The following ZNF554 variants were observed in gnomAD, a reference collection of about 807,000 sequenced individuals.
ZNF554 encodes zinc finger protein 554.
In ZNF554, 15 loss-of-function variants were observed where a neutral mutation model predicts 21.2. The observed-to-expected ratio is 0.71, with a 90% confidence interval of 0.47 to 1.09. The LOEUF (loss-of-function observed/expected upper bound fraction) is 1.09, where lower values mean the gene tolerates loss of function less well. Ranked by LOEUF, ZNF554 falls within the 50% of genes least tolerant of loss-of-function variation. The pLI is 0.00. For synonymous variants in ZNF554, 258 were observed against 251.4 expected (o/e 1.03, Z -0.25); for missense variants, 691 against 662.7 (o/e 1.04, Z -0.47).
chr19:2,834,570 C>T lies in ZNF554; in HGVS notation c.1335C>T (p.Phe445=). Residue 445 remains phenylalanine (F), a synonymous_variant, in exon 5 of 5, where the codon TTC becomes TTT. Coordinates refer to ENST00000317243, the MANE Select transcript of ZNF554 (RefSeq NM_001102651.2). ...PYECSECGKA[F]SDRSSLNQHE... ...AATGCAGTGAATGTGGAAAGGCCTT[C>T]AGTGACCGTTCCTCTCTCAACCAGC... The T allele has an allele frequency of 6.2e-7, 1 of 1,614,144 alleles. No individual in the cohort carries two copies. Among genetic ancestry groups the T allele is most frequent in the Non-Finnish European group, 8.5e-7 (1 of 1,180,030 alleles).
Position 2,821,287 on chromosome 19 carries a change from A to C in ZNF554, c.53+1163A>C, listed in dbSNP as rs114797512. Among the ~76,000 whole-genome samples, 965 of 151,492 alleles carry C rather than the reference A, an allele frequency of 6.4e-3. 32 individuals carry two copies. Among genetic ancestry groups the C allele is most frequent in the African/African-American group, 0.022 (923 of 41,034 alleles). ...TTTTTAGTAGATACAGAGTTTCTCC[A>C]TGTTGGCCAGCCAGGCTGGTATCGA... On this transcript the variant is annotated intron_variant, in intron 1 of 4. Transcript: ENST00000317243. The surrounding 1 kb of genome is among the most constrained non-coding windows in gnomAD (Gnocchi z 8.2).
rs2144803380 is a variant in ZNF554 at position 2,823,097 on chromosome 19, G to T, written c.111G>T (p.Leu37=). Residue 37 remains leucine, a synonymous_variant, in exon 2 of 5, where the codon CTG becomes CTT. Coordinates refer to ENST00000317243, the MANE Select transcript of ZNF554 (RefSeq NM_001102651.2). ...SQEERMAAGY[L]PRWSQELVTF... ...AGGAGAGAATGGCTGCTGGGTACCT[G>T]CCCCGCTGGTCCCAGGTGAGATGTC... The T allele has an allele frequency of 3.1e-6, 5 of 1,613,268 alleles. No individual in the cohort carries two copies. The highest frequency in any genetic ancestry group is 4.2e-6 in the Non-Finnish European group (5 of 1,179,362).
At chr19:2,823,857 C>T (rs993467115) in intron 2 of ZNF554, among the ~76,000 whole-genome samples, 4 of 152,014 alleles carry the variant, frequency 2.6e-5, no homozygotes, top group African/African-American at 9.7e-5. Flanking sequence ...GGTTCATGGG[C>T]GGCCATGGGA....
chr19:2,832,225 A>G (rs1387601098), intron 3 of ZNF554, 78 bp from the exon 4 acceptor site: 3 of 1,377,526 alleles, frequency 2.2e-6, no homozygotes, highest in Non-Finnish European at 3.0e-6. Context: ...CATGCCTGGC[A>G]CAGATCTGTA....
chr19:2,825,024 T>G (rs896409216), intron 2 of ZNF554, among the ~76,000 whole-genome samples: 49 of 149,726 alleles, frequency 3.3e-4, no homozygotes, highest in South Asian at 1.1e-3. Flanking sequence ...TTTTTTTTTT[T>G]TTTTTTGAGA....
intron 4 of ZNF554, 54 bp downstream of exon 4, chr19:2,832,548 A>T: frequency 6.6e-7 from 1 of 1,525,642 alleles, no homozygotes; most frequent in Non-Finnish European, 8.8e-7. Flanking sequence ...CGTGGGAAAC[A>T]TTGGTCAGAG....
chr19:2,826,351 G>GCC (rs1568333050), intron 2 of ZNF554: 79 of 151,284 alleles, frequency 5.2e-4, no homozygotes, highest in African/African-American at 1.8e-3. Context: ...CTACAGGTAC[G>GCC]TGCCACCACG....
At chr19:2,828,997 A>G (rs1023606321) in intron 3 of ZNF554, among the ~76,000 whole-genome samples, 1 of 152,128 alleles carries the variant, frequency 6.6e-6, no homozygotes, top group African/African-American at 2.4e-5. Flanking sequence ...CAACCATATC[A>G]CAGAGCATTT....
chr19:2,834,238 CG>C lies in ZNF554; in HGVS notation c.1005del (p.Arg336GlyfsTer4), dbSNP rs1568337153. ...CCACCAGTGTGGGAAGGTGTTCAACCGGAGGCATTCTTTGAGCGAACATCAA... is the reference window on the plus strand; with the variant it reads ...CCACCAGTGTGGGAAGGTGTTCAACCGAGGCATTCTTTGAGCGAACATCAA... ...ECHQCGKVFN[R>X]RHSLSEHQRI... On this transcript the variant is annotated frameshift_variant, in exon 5 of 5. Transcript: ENST00000317243. LOFTEE classifies it low-confidence loss of function (END_TRUNC). 6 of 1,613,920 alleles carry C rather than the reference CG, an allele frequency of 3.7e-6. No homozygotes were observed. Among genetic ancestry groups the C allele is most frequent in the Non-Finnish European group, 5.1e-6 (6 of 1,180,050 alleles).
At chr19:2,833,549 G>A (rs1302145596) in intron 4 of ZNF554, 132 bp from the exon 5 acceptor site, 24 of 680,550 alleles carry the variant, frequency 3.5e-5, no homozygotes, top group East Asian at 5.6e-5. Context: ...CATCCTTCCC[G>A]CATGTTCAGA....
chr19:2,828,535 C>T (rs368043197), intron 3 of ZNF554, among the ~76,000 whole-genome samples: 58 of 152,128 alleles, frequency 3.8e-4, no homozygotes, highest in African/African-American at 1.4e-3. Flanking sequence ...CTAAAAATGG[C>T]GGGCACCTGT....
At chr19:2,822,514 G>C (rs1457672475) in intron 1 of ZNF554, among the ~76,000 whole-genome samples, 1 of 152,164 alleles carries the variant, frequency 6.6e-6, no homozygotes, top group Non-Finnish European at 1.5e-5. Flanking sequence ...TCCTAATGGA[G>C]CCTGGGTGTT....
In ZNF554 at chr19:2,821,426, C is replaced by T. The variant is rs1218368304; in HGVS notation, c.53+1302C>T. ...GCTGCTGTGACAATGCACCACAAACCAGGGGGCAGGGGGAGGCTTGAAATT... is the reference window on the plus strand; with the variant it reads ...GCTGCTGTGACAATGCACCACAAACTAGGGGGCAGGGGGAGGCTTGAAATT... On this transcript the variant is annotated intron_variant, in intron 1 of 4. Transcript: ENST00000317243. This position sits in a 1 kb window ranked among gnomAD's most constrained non-coding sequence, Gnocchi z 8.2. 6.6e-6 allele frequency among the ~76,000 whole-genome samples: 1 copy of T among 151,908 alleles called. No individual in the cohort carries two copies. Among genetic ancestry groups the T allele is most frequent in the Non-Finnish European group, 1.5e-5 (1 of 68,024 alleles).
chr19:2,825,351 C>T (rs1051920853), intron 2 of ZNF554, among the ~76,000 whole-genome samples: 1 of 152,078 alleles, frequency 6.6e-6, no homozygotes, highest in African/African-American at 2.4e-5. Flanking sequence ...CGCTCTGTTG[C>T]CCAAGCTGAA....
In ZNF554 at chr19:2,833,719, A is replaced by G; in HGVS notation, c.484A>G (p.Lys162Glu). 1 of 1,541,798 alleles carries G rather than the reference A, an allele frequency of 6.5e-7. No individual in the cohort carries two copies. The highest frequency in any genetic ancestry group is 1.2e-5 in the South Asian group (1 of 80,854). Residue 162 changes from lysine (K) to glutamate (E), a missense_variant, in exon 5 of 5, where the codon AAG (lysine) becomes GAG (glutamate). Lys to Glu is a moderately conservative substitution (Grantham distance 56). Transcript: ENST00000317243. Reference protein sequence around the residue: ...TVLRNQDSTYKKVALQEEPAS... With the variant: ...TVLRNQDSTYEKVALQEEPAS... ...ACTAAGAAACCAAGACTCAACTTAC[A>G]AGAAGGTGGCTTTGCAGGAGGAACC...
In ZNF554 at chr19:2,830,301, G is replaced by A. The variant is rs149266279; in HGVS notation, c.254-2002G>A. Among the ~76,000 whole-genome samples the A allele has an allele frequency of 1.4e-4, 22 of 152,258 alleles. No individual in the cohort carries two copies. The East Asian group carries it at 3.1e-3, about 21-fold the overall frequency. ...GTGTCTGGCTGATTTCACTGGGTGT[G>A]ATGTTTTCAGTGTTCATTTACATTG... On this transcript the variant is annotated intron_variant, in intron 3 of 4. Coordinates refer to ENST00000317243, the MANE Select transcript of ZNF554 (RefSeq NM_001102651.2).
At position 2,833,485 on chromosome 19, in the gene ZNF554, C is replaced by A. The variant is rs145945844; in HGVS notation, c.446-196C>A. On this transcript the variant is annotated intron_variant, in intron 4 of 4. Coordinates refer to ENST00000317243, the MANE Select transcript of ZNF554 (RefSeq NM_001102651.2). ...CCTTTTCCCATCACTGTCAATCTTC[C>A]ACTGCTGCATCTCATCCTCAGTGGC... 9.1e-4 allele frequency among the ~76,000 whole-genome samples: 139 copies of A among 152,264 alleles called. 1 individual carries two copies. The highest frequency in any genetic ancestry group is 2.9e-3 in the African/African-American group (120 of 41,544).
At chr19:2,823,476 G>T (rs2087289867) in intron 2 of ZNF554, among the ~76,000 whole-genome samples, 1 of 152,176 alleles carries the variant, frequency 6.6e-6, no homozygotes, top group Non-Finnish European at 1.5e-5. Flanking sequence ...TGTTAGAGCA[G>T]CTCAGAGGAT....
intron 2 of ZNF554, chr19:2,826,359 A>ATGCC (rs2087333871): frequency 6.6e-6 from 1 of 151,518 alleles, no homozygotes; most frequent in African/African-American, 2.4e-5. Context: ...ACGTGCCACC[A>ATGCC]CGATTGGCTG....
Sources: allele counts gnomAD v4.1 joint callset (sites outside exome capture counted in the v4.1 genomes callset), GRCh38; gene constraint gnomAD v4.1.1; non-coding constraint Gnocchi (gnomAD v3.1); transcripts MANE v1.5; gene names NCBI Gene and HGNC (gene_info 2026-07-23, HGNC 2026-07-21).